ZNRF1: variants seen among roughly 807,000 people sequenced by gnomAD.
The protein encoded by ZNRF1 is zinc and ring finger 1, also known as E3 ubiquitin-protein ligase ZNRF1.
ZNRF1 carries 3 observed loss-of-function variants against 18.4 expected under a neutral mutation model. That is an observed-to-expected ratio of 0.16 (90% CI 0.07 to 0.42). The LOEUF (loss-of-function observed/expected upper bound fraction) is 0.42, where lower values mean the gene tolerates loss of function less well. Ranked by LOEUF, ZNRF1 falls within the 10% of genes least tolerant of loss-of-function variation. The pLI, the probability that ZNRF1 is intolerant of heterozygous loss-of-function variation, is 0.99. For missense variants in ZNRF1, 310 were observed against 329.8 expected, an observed-to-expected ratio of 0.94 and a Z score of 0.47; for synonymous variants, 157 against 144.2, an observed-to-expected ratio of 1.09 and a Z score of -0.64.
At chr16:75,042,187 T>G (rs1032509088) in intron 1 of ZNRF1, among the ~76,000 whole-genome samples, 1 of 152,226 alleles carries the variant, frequency 6.6e-6, no homozygotes, top group African/African-American at 2.4e-5. Context: ...TCCCAATGTG[T>G]GGCCTGTGCT....
In ZNRF1 at chr16:75,066,120, T is replaced by C. The variant is rs145468922; in HGVS notation, c.425-27452T>C. 4.3e-3 allele frequency among the ~76,000 whole-genome samples: 654 copies of C among 152,302 alleles called. 2 individuals carry two copies. Among genetic ancestry groups the C allele is most frequent in the Non-Finnish European group, 7.9e-3 (538 of 68,028 alleles). On this transcript the variant is annotated intron_variant, in intron 1 of 4. Coordinates refer to ENST00000335325, the MANE Select transcript of ZNRF1 (RefSeq NM_032268.5). The stretch of plus-strand genomic sequence containing the variant: ...GAAGTTCAAGGGTAGAGACAAGAGT[T>C]TGGAGGCTCGCTCTTTGAAGAAACT...
At chr16:75,001,370 C>T (rs938432571) in intron 1 of ZNRF1, among the ~76,000 whole-genome samples, 1 of 151,846 alleles carries the variant, frequency 6.6e-6, no homozygotes, top group African/African-American at 2.4e-5. Flanking sequence ...GGGGGAGAAA[C>T]GATTAGTGAC....
chr16:75,078,359 C>T (rs111438883), intron 1 of ZNRF1, among the ~76,000 whole-genome samples: 85 of 137,412 alleles, frequency 6.2e-4, no homozygotes, highest in Admixed American at 1.8e-3. Flanking sequence ...AGTGCAATGG[C>T]GCAATCTCTG....
intron 1 of ZNRF1, among the ~76,000 whole-genome samples, chr16:75,010,166 A>G (rs1040276504): frequency 4.1e-4 from 63 of 152,192 alleles, no homozygotes; most frequent in Non-Finnish European, 4.0e-4. Context: ...TATTTTTAGT[A>G]GAGACAAGGT....
intron 1 of ZNRF1, among the ~76,000 whole-genome samples, chr16:75,018,624 G>C (rs2035101772): frequency 6.6e-6 from 1 of 151,940 alleles, no homozygotes; most frequent in Non-Finnish European, 1.5e-5. Flanking sequence ...TTTATCAACA[G>C]TTTTCCTTGT....
chr16:75,041,751 G>A (rs2035449587), intron 1 of ZNRF1, among the ~76,000 whole-genome samples: 1 of 150,110 alleles, frequency 6.7e-6, no homozygotes, highest in South Asian at 2.2e-4. Flanking sequence ...GTTGTTTTCT[G>A]TTTTTAAGAC....
intron 1 of ZNRF1, among the ~76,000 whole-genome samples, chr16:75,027,874 TCTCCAG>T (rs1460262939): frequency 6.6e-6 from 1 of 152,172 alleles, no homozygotes; most frequent in Non-Finnish European, 1.5e-5. Flanking sequence ...GTTCCTTCAT[TCTCCAG>T]CCTCCTAGAG....
chr16:75,079,357 A>T (rs1417071925), intron 1 of ZNRF1, among the ~76,000 whole-genome samples: 2 of 152,168 alleles, frequency 1.3e-5, no homozygotes, highest in Non-Finnish European at 2.9e-5. Context: ...GCACACGCCT[A>T]TAGTCCCAGC....
chr16:75,037,194 C>T (rs2035386151), intron 1 of ZNRF1, among the ~76,000 whole-genome samples: 1 of 152,180 alleles, frequency 6.6e-6, no homozygotes, highest in Non-Finnish European at 1.5e-5. Flanking sequence ...CATCCAGGAT[C>T]TTTTGTTCCT....
chr16:75,095,466 TCA>T (rs1460185437), intron 2 of ZNRF1: 1 of 954,408 alleles, frequency 1.0e-6, no homozygotes, highest in African/African-American at 1.6e-5. Flanking sequence ...TCCCTGCGTC[TCA>T]CAGCCCTCCC....
chr16:75,015,792 C>A (rs1025696233), intron 1 of ZNRF1, among the ~76,000 whole-genome samples: 3 of 152,068 alleles, frequency 2.0e-5, no homozygotes, highest in Non-Finnish European at 2.9e-5. Flanking sequence ...CAGCTCCCAG[C>A]CTATAATTAA....
chr16:75,059,489 G>A (rs931266476), intron 1 of ZNRF1, among the ~76,000 whole-genome samples: 1 of 151,980 alleles, frequency 6.6e-6, no homozygotes, highest in Admixed American at 6.6e-5. Context: ...AAAAAGAACA[G>A]CATAATGAAT....
intron 4 of ZNRF1, chr16:75,107,363 G>C (rs2036329641): frequency 4.7e-6 from 1 of 212,610 alleles, no homozygotes; most frequent in Non-Finnish European, 9.7e-6. Context: ...CAAAGGTTTT[G>C]GGACCTTTTT....
At chr16:75,004,074 G>T (rs867134118) in intron 1 of ZNRF1, among the ~76,000 whole-genome samples, 7 of 151,756 alleles carry the variant, frequency 4.6e-5, no homozygotes, top group African/African-American at 1.7e-4. Flanking sequence ...GATCCTCCCA[G>T]CTTGGCTTCC....
At chr16:75,049,300 G>A (rs577923994) in intron 1 of ZNRF1, among the ~76,000 whole-genome samples, 38 of 152,050 alleles carry the variant, frequency 2.5e-4, no homozygotes, top group East Asian at 5.8e-4. Context: ...CACCACACCC[G>A]GCCTGGAATC....
At chr16:75,032,521 C>A (rs1567472353) in intron 1 of ZNRF1, among the ~76,000 whole-genome samples, 1 of 150,494 alleles carries the variant, frequency 6.6e-6, no homozygotes, top group African/African-American at 2.5e-5. Flanking sequence ...GCAACAAGAG[C>A]GAAACTCCAT....
chr16:75,027,091 C>T (rs1203029571), intron 1 of ZNRF1, among the ~76,000 whole-genome samples: 4 of 151,862 alleles, frequency 2.6e-5, no homozygotes, highest in Admixed American at 1.3e-4. Flanking sequence ...GGAACTCAGC[C>T]AGTGTTACAT....
intron 1 of ZNRF1, among the ~76,000 whole-genome samples, chr16:75,002,712 A>G (rs2034868035): frequency 6.6e-6 from 1 of 152,134 alleles, no homozygotes; most frequent in Admixed American, 6.6e-5. Flanking sequence ...AGTTGTGGTC[A>G]CCCTCACGAG....
chr16:75,038,009 T>G (rs1038507805), intron 1 of ZNRF1, among the ~76,000 whole-genome samples: 3 of 152,214 alleles, frequency 2.0e-5, no homozygotes, highest in African/African-American at 7.2e-5. Context: ...ATTCCTGAGA[T>G]GTAGTGACCA....
Sources: gnomAD v4.1 joint callset for allele counts (sites outside exome capture counted in the v4.1 genomes callset) on GRCh38, gnomAD v4.1.1 for gene constraint, MANE v1.5 for transcripts, NCBI Gene and HGNC (gene_info 2026-07-23, HGNC 2026-07-21) for gene names.